The following VPS13C variants were observed in gnomAD, a reference collection of about 807,000 sequenced individuals.
The protein encoded by VPS13C is intermembrane lipid transfer protein VPS13C.
A neutral mutation model predicts 456.8 loss-of-function variants in VPS13C; 358 were observed. The observed-to-expected ratio is 0.78, with a 90% CI of 0.72 to 0.86. The LOEUF (loss-of-function observed/expected upper bound fraction) is 0.86, where lower values mean the gene tolerates loss of function less well. Among genes scored for constraint, VPS13C ranks in the 40% least tolerant of loss-of-function variants. The probability of loss-of-function intolerance (pLI) is 0.00; values close to 1 mark genes in which losing one functional copy is unlikely to be tolerated. For missense variants in VPS13C, 4,818 were observed against 4,385.4 expected (o/e 1.10, Z -2.79); for synonymous variants, 1,578 against 1,486.7 (o/e 1.06, Z -1.41).
intron 5 of VPS13C, among the ~76,000 whole-genome samples, chr15:62,030,204 C>CT (rs1567128932): frequency 6.6e-6 from 1 of 152,064 alleles, no homozygotes; most frequent in Non-Finnish European, 1.5e-5. Context: ...ACATAGAAGA[C>CT]TAAGCAAATA....
At chr15:62,025,256 T>G (rs963210335) in intron 6 of VPS13C, among the ~76,000 whole-genome samples, 3 of 152,120 alleles carry the variant, frequency 2.0e-5, no homozygotes, top group Admixed American at 1.3e-4. Context: ...AAGCAAATTG[T>G]TCTGCCACTA....
intron 53 of VPS13C, among the ~76,000 whole-genome samples, chr15:61,923,859 A>ATTTTTTTTTTTT (rs2043743450): frequency 5.8e-5 from 4 of 69,352 alleles, no homozygotes; most frequent in Non-Finnish European, 1.2e-4. Context: ...ACCCCTCTAA[A>ATTTTTTTTTTTT]TCTTTTTTTT....
chr15:62,028,565 T>A, intron 5 of VPS13C, 145 bp from the exon 6 acceptor site: 1 of 711,994 alleles, frequency 1.4e-6, no homozygotes, highest in South Asian at 2.2e-5. Flanking sequence ...ACCAAAACTA[T>A]TTTATTTCTG....
In VPS13C at chr15:61,917,615, G is replaced by A. The variant is rs759523984; in HGVS notation, c.7781C>T (p.Pro2594Leu). 1 of 1,611,236 alleles carries A rather than the reference G, an allele frequency of 6.2e-7. No homozygotes were observed. Among genetic ancestry groups the A allele is most frequent in the South Asian group, 1.1e-5 (1 of 90,998 alleles). ...GTACTGATGCTCTAAGATTCCAGCT[G>A]GCTGGATAAACAATTGACATCTGCA... ...DSYRCQLFIQ[P>L]AGILEHQYKE... The change falls in exon 60 of 85, where the codon CCA (proline) becomes CTA (leucine). Residue 2594 changes from proline to leucine, a missense_variant. Transcript: ENST00000644861.
intron 45 of VPS13C, among the ~76,000 whole-genome samples, chr15:61,944,362 A>C (rs2044533771): frequency 6.6e-6 from 1 of 152,186 alleles, no homozygotes; most frequent in Admixed American, 6.6e-5. Flanking sequence ...AATTCACAAC[A>C]GCAAAGACCT....
intron 68 of VPS13C, among the ~76,000 whole-genome samples, 162 bp downstream of exon 68, chr15:61,883,966 G>A (rs28731221): frequency 1.4e-3 from 217 of 151,224 alleles, no homozygotes; most frequent in African/African-American, 4.8e-3. Context: ...ATATACTAAC[G>A]TGTATCATTA....
chr15:61,855,128 A>G (rs926102385), intron 83 of VPS13C, among the ~76,000 whole-genome samples, 174 bp from the exon 84 acceptor site: 7 of 152,226 alleles, frequency 4.6e-5, no homozygotes, highest in Admixed American at 1.3e-4. Context: ...CGGTATTTCC[A>G]TATGTGAGTT....
intron 3 of VPS13C, among the ~76,000 whole-genome samples, chr15:62,039,877 A>T (rs2899677): frequency 0.38 from 57,416 of 152,034 alleles, 11,870 homozygotes; most frequent in Admixed American, 0.5. Flanking sequence ...AAAAGAAAGG[A>T]AATCAGTATA....
chr15:61,913,339 T>A lies in VPS13C; in HGVS notation c.8522A>T (p.Lys2841Met), dbSNP rs1474370882. The A allele has an allele frequency of 3.1e-6, 5 of 1,614,100 alleles. No individual in the cohort carries two copies. Among genetic ancestry groups the A allele is most frequent in the Non-Finnish European group, 2.5e-6 (3 of 1,179,998 alleles). The change falls in exon 62 of 85, where the codon AAG becomes ATG. Residue 2841 changes from lysine (K) to methionine (M), a missense_variant. By Grantham distance (95) the Lys-to-Met change is moderately conservative (BLOSUM62 -1). Around this residue, in one of 3 missense-constraint regions of VPS13C, gnomAD observed 4,552 missense variants for 4,130.6 expected, o/e 1.10. Coordinates refer to ENST00000644861, the MANE Select transcript of VPS13C (RefSeq NM_020821.3). Reference sequence around the variant, plus strand: ...GTACTCCATATTGTTGGCAGGACACTTCACACACCCATAACTTCCCACTGT... The same window carrying A: ...GTACTCCATATTGTTGGCAGGACACATCACACACCCATAACTTCCCACTGT... ...LDTVGSYGCV[K>M]CPANNMEYLV...
At chr15:61,914,900 A>AAAAAC in intron 61 of VPS13C, among the ~76,000 whole-genome samples, 1 of 112,216 alleles carries the variant, frequency 8.9e-6, no homozygotes, top group African/African-American at 3.3e-5. Context: ...AAAAAAAAAA[A>AAAAAC]AAAAAAAAAC....
intron 66 of VPS13C, among the ~76,000 whole-genome samples, chr15:61,896,133 C>G (rs1281948239): frequency 2.6e-5 from 4 of 152,172 alleles, no homozygotes; most frequent in African/African-American, 9.6e-5. Flanking sequence ...CAGTAACAAG[C>G]AACAAGATCA....
chr15:61,877,889 T>C (rs1895570913), intron 74 of VPS13C, among the ~76,000 whole-genome samples: 1 of 151,980 alleles, frequency 6.6e-6, no homozygotes. Context: ...ATTATACCGT[T>C]AGAATCTAGG....
At chr15:61,908,784 A>T (rs901308114) in intron 65 of VPS13C, among the ~76,000 whole-genome samples, 2 of 152,232 alleles carry the variant, frequency 1.3e-5, no homozygotes, top group Non-Finnish European at 2.9e-5. Flanking sequence ...ATCCCATTTG[A>T]TGTGAATATT....
At chr15:62,059,344 C>A (rs1356583914) in intron 1 of VPS13C, among the ~76,000 whole-genome samples, 1 of 152,152 alleles carries the variant, frequency 6.6e-6, no homozygotes, top group Non-Finnish European at 1.5e-5. Context: ...AAAAGCAGAT[C>A]CATACATTTG....
intron 66 of VPS13C, among the ~76,000 whole-genome samples, chr15:61,899,414 A>C (rs2042929755): frequency 6.6e-6 from 1 of 151,440 alleles, no homozygotes; most frequent in Non-Finnish European, 1.5e-5. Flanking sequence ...AAAAATGATA[A>C]AGGGGATATC....
In VPS13C at chr15:61,936,662, T is replaced by A; in HGVS notation, c.5690A>T (p.Gln1897Leu). 6.2e-7 allele frequency: 1 copy of A among 1,612,372 alleles called. No individual in the cohort carries two copies. The highest frequency in any genetic ancestry group is 1.3e-5 in the African/African-American group (1 of 74,940). The change falls in exon 48 of 85, where the codon CAG (glutamine) becomes CTG (leucine). Residue 1897 changes from glutamine (Q) to leucine (L), a missense_variant. Physicochemically the swap from Gln to Leu is moderately radical, Grantham distance 113. Around this residue, in one of 3 missense-constraint regions of VPS13C, gnomAD observed 4,552 missense variants for 4,130.6 expected, o/e 1.10. Transcript: ENST00000644861. ...CACTCTTACAGTCTCCTGCACAGAC[T>A]GTGTAGGGCTTGGTTGTGAGGAAGC... ...GEASSQPSPT[Q>L]SVQETVRVRK...
chr15:61,993,428 A>T (rs1204436358), intron 16 of VPS13C, among the ~76,000 whole-genome samples: 1 of 152,094 alleles, frequency 6.6e-6, no homozygotes, highest in East Asian at 1.9e-4. Flanking sequence ...ACCTTTTTAA[A>T]ATATCCTAAG....
intron 1 of VPS13C, among the ~76,000 whole-genome samples, chr15:62,052,057 C>T (rs2048638164): frequency 6.6e-6 from 1 of 152,070 alleles, no homozygotes; most frequent in East Asian, 1.9e-4. Context: ...CTATGTCTCC[C>T]AACTCCTAGG....
chr15:62,012,425 G>T lies in VPS13C; in HGVS notation c.826-261C>A, dbSNP rs74019289. On this transcript the variant is annotated intron_variant, in intron 11 of 84. Coordinates refer to ENST00000644861, the MANE Select transcript of VPS13C (RefSeq NM_020821.3). ...ATGTCCACTCTGACTCCGAAAAAAT[G>T]TACATATATGTATATCCATACACTG... 5.0e-3 allele frequency among the ~76,000 whole-genome samples: 763 copies of T among 151,982 alleles called. 9 individuals are homozygous for T. The highest frequency in any genetic ancestry group is 0.018 in the African/African-American group (736 of 41,522).
Sources: gnomAD v4.1 joint callset for allele counts (sites outside exome capture counted in the v4.1 genomes callset) on GRCh38, gnomAD v4.1.1 for gene constraint, gnomAD v4.1.1 regional missense constraint, MANE v1.5 for transcripts, NCBI Gene and HGNC (gene_info 2026-07-23, HGNC 2026-07-21) for gene names.